XKR4: variants seen among roughly 807,000 people sequenced by gnomAD.
XKR4 encodes the protein XK-related protein 4.
A neutral mutation model predicts 53.9 loss-of-function variants in XKR4; 12 were observed. The observed-to-expected ratio is 0.22, with a 90% CI of 0.14 to 0.36. XKR4 has a LOEUF of 0.36. Among genes scored for constraint, XKR4 ranks in the 10% least tolerant of loss-of-function variants. XKR4 has a pLI of 1.00. For missense variants in XKR4, 799 were observed against 859.5 expected, an observed-to-expected ratio of 0.93 and a Z score of 0.88; for synonymous variants, 354 against 362.4, an observed-to-expected ratio of 0.98 and a Z score of 0.26.
chr8:55,505,084 GC>G (rs1399964889), intron 2 of XKR4, among the ~76,000 whole-genome samples: 34 of 151,218 alleles, frequency 2.2e-4, no homozygotes, highest in African/African-American at 6.8e-4. Flanking sequence ...CCTTTCTCCG[GC>G]AAGCTTTGTG....
intron 1 of XKR4, among the ~76,000 whole-genome samples, chr8:55,227,750 G>A (rs948875175): frequency 6.6e-6 from 1 of 152,184 alleles, no homozygotes; most frequent in African/African-American, 2.4e-5. Context: ...GCACAGATCC[G>A]CCACAGCCAC....
intron 2 of XKR4, among the ~76,000 whole-genome samples, chr8:55,398,958 G>A (rs993113576): frequency 2.6e-5 from 4 of 152,154 alleles, no homozygotes; most frequent in African/African-American, 9.7e-5. Context: ...AAGTTTTGAT[G>A]TCTGTTGAAT....
At chr8:55,362,676 C>T (rs1411038765) in intron 2 of XKR4, among the ~76,000 whole-genome samples, 1 of 152,136 alleles carries the variant, frequency 6.6e-6, no homozygotes, top group Non-Finnish European at 1.5e-5. Flanking sequence ...TTCAATGACC[C>T]CAAGAACCTG....
chr8:55,363,071 A>G (rs1364009314), intron 2 of XKR4, among the ~76,000 whole-genome samples: 1 of 152,236 alleles, frequency 6.6e-6, no homozygotes, highest in African/African-American at 2.4e-5. Flanking sequence ...CACTAGATGA[A>G]TTGTTTGAGT....
intron 2 of XKR4, chr8:55,454,019 A>T (rs924900268): frequency 1.0e-5 from 9 of 885,996 alleles, no homozygotes; most frequent in Non-Finnish European, 1.5e-5. Flanking sequence ...AATGCACACG[A>T]CGTGCAGGCA....
At chr8:55,334,546 T>C (rs1177279762) in intron 1 of XKR4, among the ~76,000 whole-genome samples, 1 of 152,196 alleles carries the variant, frequency 6.6e-6, no homozygotes, top group Non-Finnish European at 1.5e-5. Flanking sequence ...GTGCCTCTGA[T>C]GTATACTCAA....
intron 1 of XKR4, among the ~76,000 whole-genome samples, chr8:55,158,189 A>G (rs1198286961): frequency 6.6e-6 from 1 of 152,110 alleles, no homozygotes; most frequent in Non-Finnish European, 1.5e-5. Context: ...TGACTTTTTA[A>G]TAGCCATTCT....
chr8:55,102,652 G>GCCCGGACGGCGGCGGCTGCTC lies in XKR4; in HGVS notation c.165_185dup (p.Pro56_Ser62dup), dbSNP rs1816063428. The GCCCGGACGGCGGCGGCTGCTC allele has an allele frequency of 7.7e-7, 1 of 1,298,308 alleles. No homozygotes were observed. Among genetic ancestry groups the GCCCGGACGGCGGCGGCTGCTC allele is most frequent in the Non-Finnish European group, 9.9e-7 (1 of 1,013,010 alleles). The allele number at this position is 1,298,308 out of a possible 1,614,324, so 80.4% of individuals were successfully genotyped here. A position where few individuals can be genotyped will look rare whatever the true frequency, so the allele number is the denominator to read the frequency against. On this transcript the variant is annotated inframe_insertion, in exon 1 of 3. Coordinates refer to ENST00000327381, the MANE Select transcript of XKR4 (RefSeq NM_052898.2). This position sits in a 1 kb window ranked among gnomAD's most constrained non-coding sequence, Gnocchi z 5.1. ...GAGGAGGCGGCCGGGGGCGGCTGCT[G>GCCCGGACGGCGGCGGCTGCTC]CCCGGACGGCGGCGGCTGCTCGCGC... is the stretch of plus-strand genomic sequence containing the variant.
At chr8:55,183,291 G>T (rs1817338292) in intron 1 of XKR4, among the ~76,000 whole-genome samples, 4 of 150,422 alleles carry the variant, frequency 2.7e-5, no homozygotes, top group African/African-American at 7.3e-5. Context: ...TTTTTCCTCT[G>T]GTTTCCTATG....
chr8:55,237,896 A>G (rs28479953), intron 1 of XKR4, among the ~76,000 whole-genome samples: 20,007 of 151,986 alleles, frequency 0.13, 1,560 homozygotes, highest in Non-Finnish European at 0.17. Flanking sequence ...CCCCTCCTCC[A>G]TCCCCAGGGT....
In XKR4 at chr8:55,242,148, C is replaced by T. The variant is rs188668452; in HGVS notation, c.807-115530C>T. Among the ~76,000 whole-genome samples the T allele has an allele frequency of 8.0e-4, 122 of 152,254 alleles. No homozygotes were observed. The Middle Eastern group carries it at 0.024, about 30-fold the overall frequency. On this transcript the variant is annotated intron_variant, in intron 1 of 2. Transcript: ENST00000327381. ...AAATACTTGCCTCATTCCTGCTTCCCCTCAACTTAATCACATCTGAATCTT... is the reference window on the plus strand; with the variant it reads ...AAATACTTGCCTCATTCCTGCTTCCTCTCAACTTAATCACATCTGAATCTT...
intron 2 of XKR4, among the ~76,000 whole-genome samples, chr8:55,436,537 C>T (rs944492833): frequency 1.3e-5 from 2 of 152,168 alleles, no homozygotes; most frequent in Non-Finnish European, 2.9e-5. Flanking sequence ...TCCATTACTT[C>T]GGAAAAACAT....
At chr8:55,242,817 G>C (rs1818229352) in intron 1 of XKR4, among the ~76,000 whole-genome samples, 1 of 152,126 alleles carries the variant, frequency 6.6e-6, no homozygotes, top group South Asian at 2.1e-4. Flanking sequence ...TGTCCAGAGA[G>C]TTCTACAGAG....
At chr8:55,273,654 CT>C (rs1485043225) in intron 1 of XKR4, among the ~76,000 whole-genome samples, 3 of 152,208 alleles carry the variant, frequency 2.0e-5, no homozygotes, top group Non-Finnish European at 4.4e-5. Context: ...CACCCTGGAA[CT>C]GACTGAGCAC....
intron 2 of XKR4, among the ~76,000 whole-genome samples, chr8:55,473,124 A>C (rs1805914969): frequency 6.6e-6 from 1 of 152,094 alleles, no homozygotes; most frequent in Non-Finnish European, 1.5e-5. Flanking sequence ...GGCCTGCCTC[A>C]TACACTTTAG....
intron 1 of XKR4, among the ~76,000 whole-genome samples, chr8:55,110,128 A>G (rs926318046): frequency 1.3e-5 from 2 of 152,194 alleles, no homozygotes; most frequent in African/African-American, 4.8e-5. Context: ...GCATTTTCAC[A>G]TAAAAGGCTC....
chr8:55,191,287 T>C (rs528862475), intron 1 of XKR4, among the ~76,000 whole-genome samples: 39 of 152,292 alleles, frequency 2.6e-4, no homozygotes, highest in Non-Finnish European at 5.3e-4. Flanking sequence ...GCAACCATCT[T>C]GAAATGCATT....
At chr8:55,415,313 GGGGAGGGTTAA>G (rs1324472253) in intron 2 of XKR4, among the ~76,000 whole-genome samples, 5 of 152,210 alleles carry the variant, frequency 3.3e-5, no homozygotes, top group African/African-American at 4.8e-5. Context: ...CACTTGGACA[GGGGAGGGTTAA>G]GCTTAGACAT....
intron 2 of XKR4, among the ~76,000 whole-genome samples, chr8:55,482,852 T>G (rs1298168155): frequency 6.6e-6 from 1 of 152,210 alleles, no homozygotes; most frequent in Non-Finnish European, 1.5e-5. Flanking sequence ...TTAGATATGT[T>G]TATTTTCTTA....
Sources: allele counts gnomAD v4.1 joint callset (sites outside exome capture counted in the v4.1 genomes callset), GRCh38; gene constraint gnomAD v4.1.1; non-coding constraint Gnocchi (gnomAD v3.1); transcripts MANE v1.5; gene names NCBI Gene and HGNC (gene_info 2026-07-23, HGNC 2026-07-21).